Variants in AK4 observed in about 807,000 individuals in gnomAD.
AK4 encodes the protein adenylate kinase 4, mitochondrial.
In AK4, 13 loss-of-function variants were observed where a neutral mutation model predicts 24.6. The ratio of observed to expected loss-of-function variants is 0.53; its 90% CI spans 0.34 to 0.84. AK4 has a LOEUF of 0.84. Ranked by LOEUF, AK4 falls within the 40% of genes least tolerant of loss-of-function variation. The pLI, the probability that AK4 is intolerant of heterozygous loss-of-function variation, is 0.01. For missense variants in AK4, 192 were observed against 288.2 expected, an observed-to-expected ratio of 0.67 and a Z score of 2.42; for synonymous variants, 88 against 107.0, an observed-to-expected ratio of 0.82 and a Z score of 1.10.
chr1:65,215,044 CGG>C (rs1652081533), intron 2 of AK4, among the ~76,000 whole-genome samples: 2 of 152,122 alleles, frequency 1.3e-5, no homozygotes, highest in African/African-American at 4.8e-5. Flanking sequence ...CGTCATGAAT[CGG>C]GGTAAATATT....
At chr1:65,213,299 C>T (rs1466162754) in intron 2 of AK4, among the ~76,000 whole-genome samples, 1 of 152,090 alleles carries the variant, frequency 6.6e-6, no homozygotes. Flanking sequence ...AGGAGCTTTA[C>T]TATTAAAGAG....
intron 1 of AK4, among the ~76,000 whole-genome samples, chr1:65,189,287 CTTT>C (rs11373489): frequency 4.5e-5 from 6 of 132,514 alleles, no homozygotes; most frequent in Admixed American, 7.7e-5. Context: ...GATTCTCTCT[CTTT>C]TTTTTTTTTT....
intron 2 of AK4, among the ~76,000 whole-genome samples, chr1:65,206,162 C>CA (rs1557462475): frequency 6.6e-6 from 1 of 152,144 alleles, no homozygotes; most frequent in Non-Finnish European, 1.5e-5. Context: ...CCTATCCCTC[C>CA]ACCCCCAGTG....
intron 1 of AK4, among the ~76,000 whole-genome samples, chr1:65,184,461 G>T (rs368959989): frequency 1.3e-5 from 2 of 152,200 alleles, no homozygotes; most frequent in African/African-American, 4.8e-5. Flanking sequence ...GGCAAAGATA[G>T]TGGCCTCTTT....
chr1:65,179,975 T>C (rs1272015385), intron 1 of AK4, among the ~76,000 whole-genome samples: 1 of 152,196 alleles, frequency 6.6e-6, no homozygotes, highest in Non-Finnish European at 1.5e-5. Flanking sequence ...CACATGCAAC[T>C]TTCAAAACAA....
intron 2 of AK4, among the ~76,000 whole-genome samples, chr1:65,212,052 A>G (rs897204103): frequency 2.0e-5 from 3 of 152,046 alleles, no homozygotes; most frequent in Non-Finnish European, 4.4e-5. Context: ...CCTGCTTGAG[A>G]GCTGCAAGGA....
intron 1 of AK4, among the ~76,000 whole-genome samples, chr1:65,175,059 A>C (rs1215652048): frequency 6.6e-6 from 1 of 152,120 alleles, no homozygotes; most frequent in African/African-American, 2.4e-5. Flanking sequence ...GCCACTTTTT[A>C]TTTTAAACAA....
Position 65,148,933 on chromosome 1 carries a change from C to A in AK4, c.145+381C>A, listed in dbSNP as rs144885385. On this transcript the variant is annotated intron_variant, in intron 1 of 4. Coordinates refer to ENST00000327299, the MANE Select transcript of AK4 (RefSeq NM_013410.4). ...AGCCCTGGCCCCCTCCCCCGAGTCC[C>A]TAGAGAGCCGCGCGCCCCCTCCCGC... The A allele has an allele frequency of 1.9e-5, 3 of 157,440 alleles. No individual in the cohort carries two copies. The East Asian group carries it at 5.6e-4, about 29-fold the overall frequency. The allele number at this position is 157,440 out of a possible 1,614,324, so 9.8% of individuals were successfully genotyped here.
rs779683150 is a variant in AK4 at position 65,148,437 on chromosome 1, C to T, written c.30C>T (p.Ile10=). The part of the protein sequence containing the change: MASKLLRAV[I]LGPPGSGKGT... Reference sequence around the variant, plus strand: ...CTTCCAAACTCCTGCGCGCGGTCATCCTCGGGCCGCCCGGCTCGGGCAAGG... The same window carrying T: ...CTTCCAAACTCCTGCGCGCGGTCATTCTCGGGCCGCCCGGCTCGGGCAAGG... The change falls in exon 1 of 5, where the codon ATC becomes ATT. Residue 10 remains isoleucine, a synonymous_variant. Coordinates refer to ENST00000327299, the MANE Select transcript of AK4 (RefSeq NM_013410.4). The T allele has an allele frequency of 5.1e-6, 8 of 1,562,696 alleles. No homozygotes were observed. The South Asian group carries it at 5.8e-5, about 11-fold the overall frequency.
At chr1:65,189,329 A>G (rs1189157179) in intron 1 of AK4, among the ~76,000 whole-genome samples, 2 of 137,816 alleles carry the variant, frequency 1.5e-5, no homozygotes, top group African/African-American at 2.8e-5. Flanking sequence ...CCCAGACTGG[A>G]GTGCAATGGC....
chr1:65,173,682 T>C lies in AK4; in HGVS notation c.146-17028T>C, dbSNP rs974923728. On this transcript the variant is annotated intron_variant, in intron 1 of 4. Transcript: ENST00000327299. ...AGGAGTTCGAGCCTGGGCGGCATGG[T>C]GGAACCTCATCTCTACAAAATACAA... 3.9e-5 allele frequency among the ~76,000 whole-genome samples: 6 copies of C among 152,114 alleles called. No homozygotes were observed. The East Asian group carries it at 9.7e-4, about 25-fold the overall frequency.
At chr1:65,197,220 C>T (rs767125527) in intron 2 of AK4, among the ~76,000 whole-genome samples, 5 of 150,526 alleles carry the variant, frequency 3.3e-5, no homozygotes, top group Non-Finnish European at 5.9e-5. Context: ...TGTTTTTTTT[C>T]GTTTCTAAAC....
At chr1:65,209,584 G>A (rs1300660182) in intron 2 of AK4, among the ~76,000 whole-genome samples, 1 of 152,164 alleles carries the variant, frequency 6.6e-6, no homozygotes, top group Non-Finnish European at 1.5e-5. Flanking sequence ...TGGTCTGACT[G>A]TACCTTATCT....
intron 3 of AK4, among the ~76,000 whole-genome samples, chr1:65,221,220 G>A (rs1454883867): frequency 6.6e-6 from 1 of 152,082 alleles, no homozygotes; most frequent in East Asian, 1.9e-4. Flanking sequence ...CGCCAGTTTT[G>A]GGTGGTAGAT....
At chr1:65,176,610 G>T (rs1274333199) in intron 1 of AK4, among the ~76,000 whole-genome samples, 2 of 152,312 alleles carry the variant, frequency 1.3e-5, no homozygotes, top group East Asian at 1.9e-4. Flanking sequence ...GAAAGCTGGT[G>T]TGGGGAGGCT....
intron 1 of AK4, among the ~76,000 whole-genome samples, chr1:65,152,366 A>C (rs1397469673): frequency 0.056 from 2,744 of 49,128 alleles, 119 homozygotes; most frequent in African/African-American, 0.14. Context: ...CTCTCTATAT[A>C]TATATATATA....
At chr1:65,198,849 GGAGGATCAC>G (rs1651568889) in intron 2 of AK4, among the ~76,000 whole-genome samples, 1 of 151,966 alleles carries the variant, frequency 6.6e-6, no homozygotes, top group East Asian at 1.9e-4. Flanking sequence ...GACAGAGGCA[GGAGGATCAC>G]TTGAGCCCAG....
intron 2 of AK4, among the ~76,000 whole-genome samples, chr1:65,196,342 G>C (rs1651469799): frequency 6.6e-6 from 1 of 152,152 alleles, no homozygotes; most frequent in African/African-American, 2.4e-5. Context: ...ACCCCAAGTG[G>C]GGATGTGGGG....
chr1:65,170,307 G>T (rs1033926286), intron 1 of AK4, among the ~76,000 whole-genome samples: 3 of 152,202 alleles, frequency 2.0e-5, no homozygotes, highest in African/African-American at 7.2e-5. Context: ...GACGGAGCTT[G>T]CAGTGAGCCG....
Sources: gnomAD v4.1 joint callset for allele counts (sites outside exome capture counted in the v4.1 genomes callset) on GRCh38, gnomAD v4.1.1 for gene constraint, MANE v1.5 for transcripts, NCBI Gene and HGNC (gene_info 2026-07-23, HGNC 2026-07-21) for gene names.